Variants in RTL4 observed in about 807,000 individuals in gnomAD.
RTL4 encodes retrotransposon Gag like 4, also known as retrotransposon Gag-like protein 4.
RTL4 carries 4 observed loss-of-function variants against 5.3 expected under a neutral mutation model. The ratio of observed to expected loss-of-function variants is 0.75; its 90% CI spans 0.37 to 1.72. RTL4 has a LOEUF of 1.72. Among genes scored for constraint, RTL4 ranks in the 40% most tolerant of loss-of-function variants. The pLI, the probability that RTL4 is intolerant of heterozygous loss-of-function variation, is 0.04. For missense variants in RTL4, 260 were observed against 227.1 expected (o/e 1.14, Z -0.93); for synonymous variants, 98 against 87.3 (o/e 1.12, Z -0.68).
At chrX:112,189,704 C>T in the RTL4 span, among the ~76,000 whole-genome samples, 1 of 110,157 alleles carries the variant, frequency 9.1e-6, no homozygotes, top group Non-Finnish European at 1.9e-5. Context: ...GCAGAGGTTG[C>T]AGTGAGCCAA....
the RTL4 span, among the ~76,000 whole-genome samples, chrX:112,280,868 T>C: frequency 9.0e-6 from 1 of 111,217 alleles, no homozygotes; most frequent in African/African-American, 3.3e-5. Context: ...ATTTATTTAT[T>C]TTTCAGTGAC....
chrX:112,416,001 T>A, the RTL4 span, among the ~76,000 whole-genome samples: 1 of 112,159 alleles, frequency 8.9e-6, no homozygotes, highest in South Asian at 3.7e-4. Flanking sequence ...AAGTCTGAAA[T>A]CAAGGTGTTG....
At chrX:112,163,476 G>C in the RTL4 span, among the ~76,000 whole-genome samples, 1 of 111,624 alleles carries the variant, frequency 9.0e-6, no homozygotes, top group Non-Finnish European at 1.9e-5. Flanking sequence ...CCTTACCAGA[G>C]GGATCGTGGG....
chrX:112,333,524 CT>C, the RTL4 span, among the ~76,000 whole-genome samples: 1 of 111,493 alleles, frequency 9.0e-6, no homozygotes, highest in African/African-American at 3.3e-5. Flanking sequence ...ATGTGTAGGA[CT>C]AGAAATGTTT....
At chrX:112,330,124 A>G in the RTL4 span, among the ~76,000 whole-genome samples, 9 of 96,782 alleles carry the variant, frequency 9.3e-5, no homozygotes, top group Non-Finnish European at 1.4e-4. Flanking sequence ...CTCTCTCACC[A>G]CTCCTATTCA....
the RTL4 span, among the ~76,000 whole-genome samples, chrX:112,354,399 T>C: frequency 8.9e-6 from 1 of 111,743 alleles, no homozygotes; most frequent in Non-Finnish European, 1.9e-5. Flanking sequence ...AATGGATTAA[T>C]ATTTGTAAAT....
chrX:112,208,514 A>G, the RTL4 span, among the ~76,000 whole-genome samples: 10 of 112,218 alleles, frequency 8.9e-5, no homozygotes, highest in African/African-American at 3.2e-4. Context: ...GAACTAGGAT[A>G]CTATTCAATA....
At chrX:112,310,364 T>TTATACA in the RTL4 span, among the ~76,000 whole-genome samples, 1 of 15,911 alleles carries the variant, frequency 6.3e-5, no homozygotes, top group Non-Finnish European at 9.8e-5. Context: ...GCCAGCACCT[T>TTATACA]TATACATATA....
the RTL4 span, among the ~76,000 whole-genome samples, chrX:112,302,872 T>TA: frequency 8.9e-6 from 1 of 112,399 alleles, no homozygotes; most frequent in African/African-American, 3.2e-5. Flanking sequence ...TCATTATTTT[T>TA]AAAAAATTAC....
chrX:112,259,363 A>G, the RTL4 span, among the ~76,000 whole-genome samples: 7 of 111,272 alleles, frequency 6.3e-5, no homozygotes, highest in African/African-American at 2.3e-4. Flanking sequence ...TTGAAACAGA[A>G]TCTTTATTTC....
chrX:112,104,668 AT>A, the RTL4 span, among the ~76,000 whole-genome samples: 280 of 111,827 alleles, frequency 2.5e-3, 1 homozygote, highest in African/African-American at 8.5e-3. Context: ...GCATTTTTTC[AT>A]GTACTTGTTG....
chrX:112,235,323 C>G, the RTL4 span, among the ~76,000 whole-genome samples: 2 of 111,669 alleles, frequency 1.8e-5, no homozygotes, highest in African/African-American at 3.3e-5. Context: ...CAAACTTGAG[C>G]CTAGAGTCTA....
chrX:112,141,156 G>A, the RTL4 span, among the ~76,000 whole-genome samples: 8 of 111,686 alleles, frequency 7.2e-5, no homozygotes, highest in African/African-American at 2.6e-4. Context: ...TTATTCCTAA[G>A]TACTTAAATA....
the RTL4 span, among the ~76,000 whole-genome samples, chrX:112,088,954 C>CT: frequency 9.0e-6 from 1 of 111,054 alleles, no homozygotes; most frequent in African/African-American, 3.3e-5. Context: ...TTAAATGTTC[C>CT]ATAAACTAGT....
At chrX:112,173,282 T>C in the RTL4 span, among the ~76,000 whole-genome samples, 10 of 111,391 alleles carry the variant, frequency 9.0e-5, 1 homozygote, top group Non-Finnish European at 1.9e-4. Context: ...AAAATTCTAT[T>C]GTTTCTTAGA....
chrX:112,422,912 C>T, the RTL4 span, among the ~76,000 whole-genome samples: 2 of 111,205 alleles, frequency 1.8e-5, no homozygotes, highest in African/African-American at 6.5e-5. Flanking sequence ...GTAATACCTA[C>T]CTCAACTACC....
At chrX:112,319,406 C>T in the RTL4 span, among the ~76,000 whole-genome samples, 9,934 of 111,597 alleles carry the variant, frequency 0.089, 1,082 homozygotes, top group African/African-American at 0.3. Context: ...CTGTACACTG[C>T]GCCCTTTCCT....
the RTL4 span, among the ~76,000 whole-genome samples, chrX:112,152,769 A>G: frequency 8.9e-6 from 1 of 112,062 alleles, no homozygotes. Context: ...GTAAGGCTTT[A>G]GGTCTTTATT....
At chrX:112,209,419 C>T in the RTL4 span, among the ~76,000 whole-genome samples, 2 of 112,295 alleles carry the variant, frequency 1.8e-5, no homozygotes, top group Admixed American at 1.9e-4. Flanking sequence ...CCCTACACCG[C>T]TGTCCTTCAG....
Sources: allele counts gnomAD v4.1 joint callset (sites outside exome capture counted in the v4.1 genomes callset), GRCh38; gene constraint gnomAD v4.1.1; transcripts MANE v1.5; gene names NCBI Gene and HGNC (gene_info 2026-07-23, HGNC 2026-07-21).